The following CDHR5 variants were observed in gnomAD, a reference collection of about 807,000 sequenced individuals.
CDHR5 encodes the protein cadherin related family member 5, also known as cadherin-related family member 5.
In CDHR5, 82 loss-of-function variants were observed where a neutral mutation model predicts 69.5. That is an observed-to-expected ratio of 1.18 (90% CI 0.99 to 1.42). The LOEUF (loss-of-function observed/expected upper bound fraction) is 1.42, where lower values mean the gene tolerates loss of function less well. Among genes scored for constraint, CDHR5 ranks in the 40% most tolerant of loss-of-function variants. CDHR5 has a pLI of 0.00. For missense variants in CDHR5, 1,293 were observed against 1,168.9 expected, an observed-to-expected ratio of 1.11 and a Z score of -1.55; for synonymous variants, 601 against 510.2, an observed-to-expected ratio of 1.18 and a Z score of -2.40.
Position 618,793 on chromosome 11 carries a change from C to A in CDHR5, c.1766G>T (p.Ser589Ile), listed in dbSNP as rs756703893. The change falls in exon 13 of 15, where the codon AGC becomes ATC. Residue 589 changes from serine to isoleucine, a missense_variant. By Grantham distance (142) the Ser-to-Ile change is moderately radical (BLOSUM62 -2). Coordinates refer to ENST00000397542, the MANE Select transcript of CDHR5 (RefSeq NM_021924.5). ...SQPMPPSMGT[S>I]TSHQPATPGG... ...GGGTGTGGCTGGTTGGTGGGAGGTGCTGGTTCCCATACTGGGGGGCATCGG... is the reference window on the plus strand; with the variant it reads ...GGGTGTGGCTGGTTGGTGGGAGGTGATGGTTCCCATACTGGGGGGCATCGG... 6.2e-7 allele frequency: 1 copy of A among 1,604,008 alleles called. No individual in the cohort carries two copies. The highest frequency in any genetic ancestry group is 8.5e-7 in the Non-Finnish European group (1 of 1,178,056).
intron 9 of CDHR5, 82 bp downstream of exon 9, chr11:619,985 C>T (rs1437908359): frequency 3.0e-6 from 4 of 1,320,418 alleles, no homozygotes; most frequent in African/African-American, 2.9e-5. Flanking sequence ...GGGGCCCTGC[C>T]CCGGCCCCCC....
In CDHR5 at chr11:621,089, C is replaced by T; in HGVS notation, c.780G>A (p.Gly260=). The T allele has an allele frequency of 6.5e-7, 1 of 1,540,396 alleles. No homozygotes were observed. Among genetic ancestry groups the T allele is most frequent in the Non-Finnish European group, 8.8e-7 (1 of 1,141,638 alleles). Residue 260 remains glycine (G), a synonymous_variant, in exon 7 of 15, where the codon GGG becomes GGA. Coordinates refer to ENST00000397542, the MANE Select transcript of CDHR5 (RefSeq NM_021924.5). The surrounding 1 kb of genome is among the most constrained non-coding windows in gnomAD (Gnocchi z 4.4). ...CCTCCCTCCCCATTACCAGTATGTGCCCCGTGGGGACAGCCCCGTGGTACT... is the reference window on the plus strand; with the variant it reads ...CCTCCCTCCCCATTACCAGTATGTGTCCCGTGGGGACAGCCCCGTGGTACT... ...QAQYHGAVPT[G]HILPSPLVLR...
Position 624,432 on chromosome 11 carries a change from C to G in CDHR5, c.261+125G>C. On this transcript the variant is annotated intron_variant, in intron 2 of 14. Coordinates refer to ENST00000397542, the MANE Select transcript of CDHR5 (RefSeq NM_021924.5). This position sits in a 1 kb window ranked among gnomAD's most constrained non-coding sequence, Gnocchi z 5.3. ...GCCCAGCCTTCTAGGGCAGGCACCA[C>G]CAAGCATGGGTGTCAGTGGATGCCC... 9.7e-7 allele frequency: 1 copy of G among 1,029,828 alleles called. No homozygotes were observed. Among genetic ancestry groups the G allele is most frequent in the Admixed American group, 1.9e-5 (1 of 53,784 alleles). The allele number at this position is 1,029,828 out of a possible 1,614,324, so 63.8% of individuals were successfully genotyped here.
In CDHR5 at chr11:621,505, C is replaced by G. The variant is rs756604724; in HGVS notation, c.508-50G>C. 4.4e-6 allele frequency: 7 copies of G among 1,591,054 alleles called. No homozygotes were observed. The highest frequency in any genetic ancestry group is 5.2e-6 in the Non-Finnish European group (6 of 1,159,384). ...GCCTAAGAGCCTTGGAGGGCGAGGG[C>G]GGCTGTGGGTGTCAGAGGCGAGGGG... is the stretch of plus-strand genomic sequence containing the variant. On this transcript the variant is annotated intron_variant, in intron 5 of 14. Coordinates refer to ENST00000397542, the MANE Select transcript of CDHR5 (RefSeq NM_021924.5). The surrounding 1 kb of genome is among the most constrained non-coding windows in gnomAD (Gnocchi z 4.4).
chr11:620,175 G>T lies in CDHR5; in HGVS notation c.881-11C>A, dbSNP rs1237681165. 6.2e-7 allele frequency: 1 copy of T among 1,610,610 alleles called. No homozygotes were observed. Among genetic ancestry groups the T allele is most frequent in the Non-Finnish European group, 8.5e-7 (1 of 1,177,220 alleles). ...TACCATTCACGTTTCCTGGGAGGAT[G>T]ATGGAAGTGCTCAGCCCCGGCCCCC... On this transcript the variant is annotated splice_polypyrimidine_tract_variant and intron_variant, in intron 8 of 14. Transcript: ENST00000397542.
chr11:617,409 C>T lies in CDHR5; in HGVS notation c.2480G>A (p.Gly827Asp). The change falls in exon 15 of 15, where the codon GGC becomes GAC. Residue 827 changes from glycine to aspartate, a missense_variant. Transcript: ENST00000397542. ...SDSGSGDEGE[G>D]AGRGGGPYDA... ...GTAGGGACCCCCACCCCTCCCCGCGCCCTCGCCCTCATCGCCGCTGCCGGA... is the reference window on the plus strand; with the variant it reads ...GTAGGGACCCCCACCCCTCCCCGCGTCCTCGCCCTCATCGCCGCTGCCGGA... 1 of 1,611,556 alleles carries T rather than the reference C, an allele frequency of 6.2e-7. No individual in the cohort carries two copies.
chr11:616,756 G>A lies in CDHR5; in HGVS notation c.*595C>T, dbSNP rs948744080. The A allele has an allele frequency of 1.9e-5, 3 of 156,108 alleles. No individual in the cohort carries two copies. The highest frequency in any genetic ancestry group is 6.5e-5 in the Admixed American group (1 of 15,332). The allele number at this position is 156,108 out of a possible 1,614,324, so 9.7% of individuals were successfully genotyped here. A position where few individuals can be genotyped will look rare whatever the true frequency, so the allele number is the denominator to read the frequency against. ...GGTCTGGCTCCTGCTCAGGCCACAC[G>A]GCGCACCCACCCCCAGCGCGCCTCA... On this transcript the variant is annotated 3_prime_UTR_variant, in exon 15 of 15. Transcript: ENST00000397542.
chr11:618,041 C>T lies in CDHR5; in HGVS notation c.2031G>A (p.Ala677=), dbSNP rs758394688. 1.6e-5 allele frequency: 26 copies of T among 1,612,068 alleles called. 1 individual carries two copies. Among genetic ancestry groups the T allele is most frequent in the African/African-American group, 5.3e-5 (4 of 75,016 alleles). ...GGCCAAGGAGAGCCAGCAGCAGCAG[C>T]GCACCCAGCACCCCGCCCAGGGCCG... is the stretch of plus-strand genomic sequence containing the variant. ...DMAALGGVLG[A]LLLLALLGLA... is the part of the protein sequence containing the mutation. The change falls in exon 14 of 15, where the codon GCG becomes GCA. Residue 677 remains alanine (A), a synonymous_variant. Coordinates refer to ENST00000397542, the MANE Select transcript of CDHR5 (RefSeq NM_021924.5).
chr11:617,044 G>T lies in CDHR5; in HGVS notation c.*307C>A. The stretch of plus-strand genomic sequence containing the variant: ...CCCTCGGGCTGTGGTTAGAGCGGGA[G>T]AGGAACTTCCCAGACTAGCTGGCAC... On this transcript the variant is annotated 3_prime_UTR_variant, in exon 15 of 15. Coordinates refer to ENST00000397542, the MANE Select transcript of CDHR5 (RefSeq NM_021924.5). The T allele has an allele frequency of 2.3e-6, 1 of 430,536 alleles. No individual in the cohort carries two copies. The highest frequency in any genetic ancestry group is 4.2e-6 in the Non-Finnish European group (1 of 240,012). 26.7% of individuals were successfully genotyped at this position (430,536 alleles called of 1,614,324 possible). A position where few individuals can be genotyped will look rare whatever the true frequency, so the allele number is the denominator to read the frequency against.
At position 624,917 on chromosome 11, in the gene CDHR5, C is replaced by T. The variant is rs1454393670; in HGVS notation, c.-15G>A. ...CAAGACCCCATCTTGGCGGCTGTCA[C>T]CTGGCAGGAGGGTCTGAGCGGGTCT... On this transcript the variant is annotated 5_prime_UTR_variant, in exon 1 of 15. The change creates a new upstream start codon in the 5' untranslated region. Coordinates refer to ENST00000397542, the MANE Select transcript of CDHR5 (RefSeq NM_021924.5). The surrounding 1 kb of genome is among the most constrained non-coding windows in gnomAD (Gnocchi z 5.3). 6 of 1,541,896 alleles carry T rather than the reference C, an allele frequency of 3.9e-6. No homozygotes were observed. The East Asian group carries it at 1.2e-4, about 31-fold the overall frequency.
chr11:624,782 G>C lies in CDHR5; in HGVS notation c.85+36C>G. 6.2e-7 allele frequency: 1 copy of C among 1,604,054 alleles called. No homozygotes were observed. Among genetic ancestry groups the C allele is most frequent in the Non-Finnish European group, 8.5e-7 (1 of 1,173,966 alleles). On this transcript the variant is annotated intron_variant, in intron 1 of 14. Transcript: ENST00000397542. The surrounding 1 kb of genome is among the most constrained non-coding windows in gnomAD (Gnocchi z 5.3). ...AGTGCCTCCCAGCCCCTGGCTCCCC[G>C]CCGCCCGTGCCCCACCTACCCCTGC...
At position 617,420 on chromosome 11, in the gene CDHR5, A is replaced by G. The variant is rs61877857; in HGVS notation, c.2469T>C (p.Asp823=). The G allele has an allele frequency of 0.27, 435,396 of 1,608,390 alleles. 64,278 individuals are homozygous for G. The highest frequency in any genetic ancestry group is 0.52 in the African/African-American group (38,924 of 74,394). The part of the protein sequence containing the change: ...VDGASDSGSG[D]EGEGAGRGGG... Reference sequence around the variant, plus strand: ...CACCCCTCCCCGCGCCCTCGCCCTCATCGCCGCTGCCGGAGTCACTGGCGC... The same window carrying G: ...CACCCCTCCCCGCGCCCTCGCCCTCGTCGCCGCTGCCGGAGTCACTGGCGC... Residue 823 remains aspartate (D), a synonymous_variant, in exon 15 of 15, where the codon GAT becomes GAC. Coordinates refer to ENST00000397542, the MANE Select transcript of CDHR5 (RefSeq NM_021924.5).
chr11:616,633 C>T lies in CDHR5; in HGVS notation c.*718G>A, dbSNP rs538683392. ...TCCATTAGGGAAAGTGCTGACAAGC[C>T]GCAAGGGATCCCTTGATGGTTCTGG... On this transcript the variant is annotated 3_prime_UTR_variant, in exon 15 of 15. Coordinates refer to ENST00000397542, the MANE Select transcript of CDHR5 (RefSeq NM_021924.5). The T allele has an allele frequency of 1.0e-3, 160 of 152,792 alleles. No individual in the cohort carries two copies. Among genetic ancestry groups the T allele is most frequent in the Non-Finnish European group, 1.7e-3 (119 of 68,144 alleles). 9.5% of individuals were successfully genotyped at this position (152,792 alleles called of 1,614,324 possible). A position where few individuals can be genotyped will look rare whatever the true frequency, so the allele number is the denominator to read the frequency against.
Position 619,199 on chromosome 11 carries a change from G to T in CDHR5, c.1379-19C>A. ...GGGACATCTGGGGGCCGGGAACAGT[G>T]CTTGGGCTTGCCTCTGCCCGCCCCT... On this transcript the variant is annotated intron_variant, in intron 12 of 14. Transcript: ENST00000397542. The T allele has an allele frequency of 6.7e-7, 1 of 1,497,404 alleles. No individual in the cohort carries two copies. The highest frequency in any genetic ancestry group is 9.1e-7 in the Non-Finnish European group (1 of 1,104,822). 92.8% of individuals were successfully genotyped at this position (1,497,404 alleles called of 1,614,324 possible). A position where few individuals can be genotyped will look rare whatever the true frequency, so the allele number is the denominator to read the frequency against.
chr11:619,305 C>T lies in CDHR5; in HGVS notation c.1378+1G>A. ...GGGCTCACCTGTGGAGGGGGGCTTA[C>T]CTGTGGAGGGGGGCTCCTGTTCGGA... On this transcript the variant is annotated splice_donor_variant, in intron 12 of 14. Coordinates refer to ENST00000397542, the MANE Select transcript of CDHR5 (RefSeq NM_021924.5). LOFTEE classifies it high-confidence loss of function. The T allele has an allele frequency of 6.2e-7, 1 of 1,604,296 alleles. No homozygotes were observed. Among genetic ancestry groups the T allele is most frequent in the Non-Finnish European group, 8.5e-7 (1 of 1,172,788 alleles).
intron 7 of CDHR5, 86 bp downstream of exon 7, chr11:620,993 CG>C: frequency 7.1e-6 from 7 of 980,388 alleles, no homozygotes; most frequent in Non-Finnish European, 1.0e-5. Context: ...ACCCCGACCC[CG>C]CCCTTCCTCT....
chr11:620,128 G>A lies in CDHR5; in HGVS notation c.917C>T (p.Ser306Leu), dbSNP rs144175464. The change falls in exon 9 of 15, where the codon TCG (serine) becomes TTG (leucine). Residue 306 changes from serine (S) to leucine (L), a missense_variant. By Grantham distance (145) the Ser-to-Leu change is moderately radical (BLOSUM62 -2). Coordinates refer to ENST00000397542, the MANE Select transcript of CDHR5 (RefSeq NM_021924.5). Reference sequence around the variant, plus strand: ...ACTCCTGGCCACGGTGAGGTTGCCCGAGTCTGGGTGGATGATGAATGTACC... The same window carrying A: ...ACTCCTGGCCACGGTGAGGTTGCCCAAGTCTGGGTGGATGATGAATGTACC... ...VNGTFIIHPD[S>L]GNLTVARSVP... The A allele has an allele frequency of 5.5e-4, 885 of 1,613,680 alleles. 8 individuals carry two copies. In the Admixed American group the frequency reaches 0.011, roughly 20 times the overall value.
intron 3 of CDHR5, among the ~76,000 whole-genome samples, chr11:622,297 C>A (rs1169543902): frequency 6.6e-6 from 1 of 152,150 alleles, no homozygotes; most frequent in African/African-American, 2.4e-5. Context: ...GGACTTATAA[C>A]AACAGACAAA....
chr11:622,004 C>T (rs1206667508), intron 3 of CDHR5, 100 bp from the exon 4 acceptor site: 18 of 861,392 alleles, frequency 2.1e-5, no homozygotes, highest in East Asian at 1.6e-4. Flanking sequence ...GTGCACCCCT[C>T]AACGGCCACC....
Sources: gnomAD v4.1 joint callset for allele counts (sites outside exome capture counted in the v4.1 genomes callset) on GRCh38, gnomAD v4.1.1 for gene constraint, Gnocchi (gnomAD v3.1) non-coding constraint, MANE v1.5 for transcripts, NCBI Gene and HGNC (gene_info 2026-07-23, HGNC 2026-07-21) for gene names.